The following COL23A1 variants were observed in gnomAD, a reference collection of about 807,000 sequenced individuals.
COL23A1 encodes collagen alpha-1(XXIII) chain.
In COL23A1, 97 loss-of-function variants were observed where a neutral mutation model predicts 99.3. The observed-to-expected ratio is 0.98, with a 90% CI of 0.83 to 1.16. The LOEUF (loss-of-function observed/expected upper bound fraction) is 1.16. Among genes scored for constraint, COL23A1 ranks in the 50% most tolerant of loss-of-function variants. The pLI, the probability that COL23A1 is intolerant of heterozygous loss-of-function variation, is 0.00. For synonymous variants in COL23A1, 320 were observed against 308.2 expected, an observed-to-expected ratio of 1.04 and a Z score of -0.40; for missense variants, 762 against 757.4, an observed-to-expected ratio of 1.01 and a Z score of -0.07.
intron 5 of COL23A1, among the ~76,000 whole-genome samples, chr5:178,272,209 A>G (rs1182724645): frequency 6.6e-6 from 1 of 152,146 alleles, no homozygotes; most frequent in Non-Finnish European, 1.5e-5. Context: ...TGCTCTGGGA[A>G]GACTTTCCTG....
intron 28 of COL23A1, 86 bp from the exon 29 acceptor site, chr5:178,238,786 C>T (rs1764241063): frequency 6.4e-7 from 1 of 1,562,720 alleles, no homozygotes; most frequent in Non-Finnish European, 8.8e-7. Context: ...CCTCCCCGGT[C>T]CTGCCCATTT....
chr5:178,341,747 T>A (rs1760676868), intron 2 of COL23A1, among the ~76,000 whole-genome samples: 1 of 151,726 alleles, frequency 6.6e-6, no homozygotes, highest in Admixed American at 6.6e-5. Flanking sequence ...CTCTCCCTCA[T>A]CCCCGTTTCA....
chr5:178,549,409 T>C (rs1318675756), intron 2 of COL23A1, among the ~76,000 whole-genome samples: 3 of 151,868 alleles, frequency 2.0e-5, no homozygotes, highest in Non-Finnish European at 4.4e-5. Context: ...TTTAATAAAA[T>C]ATAATATACA....
At chr5:178,440,630 T>TC (rs1766814830) in intron 2 of COL23A1, among the ~76,000 whole-genome samples, 1 of 151,884 alleles carries the variant, frequency 6.6e-6, no homozygotes, top group Non-Finnish European at 1.5e-5. Flanking sequence ...TTTTTTTTTT[T>TC]CTGAGATGGA....
rs913010110 is a variant in COL23A1, at chr5:178,583,317, C to T, written c.294+6587G>A. Among the ~76,000 whole-genome samples, 4 of 152,210 alleles carry T rather than the reference C, an allele frequency of 2.6e-5. No individual in the cohort carries two copies. The East Asian group carries it at 5.8e-4, about 22-fold the overall frequency. On this transcript the variant is annotated intron_variant, in intron 1 of 28. Transcript: ENST00000390654. ...GGTGGAATTTCTCTAGAACACAGCT[C>T]CAGCTTAGAGCCCAAGCTTCTCACC...
chr5:178,288,188 C>G, intron 5 of COL23A1, 136 bp downstream of exon 5: 1 of 849,550 alleles, frequency 1.2e-6, no homozygotes, highest in South Asian at 1.3e-5. Flanking sequence ...TCACGCTAAT[C>G]GCCTCCACAG....
rs936797024 is a variant in COL23A1, at chr5:178,434,858, C to T, written c.361+125824G>A. ...CAGGGCTGGTTTCAAAGCCTCTGCC[C>T]GCTGCAGGAAGGCAGGCATCCACTT... is the stretch of plus-strand genomic sequence containing the variant. On this transcript the variant is annotated intron_variant, in intron 2 of 28. Coordinates refer to ENST00000390654, the MANE Select transcript of COL23A1 (RefSeq NM_173465.4). The surrounding 1 kb of genome is among the most constrained non-coding windows in gnomAD (Gnocchi z 4.3). Among the ~76,000 whole-genome samples, 1 of 152,194 alleles carries T rather than the reference C, an allele frequency of 6.6e-6. No individual in the cohort carries two copies. The highest frequency in any genetic ancestry group is 2.4e-5 in the African/African-American group (1 of 41,448).
chr5:178,330,697 T>C (rs1020809452), intron 2 of COL23A1, among the ~76,000 whole-genome samples: 1 of 151,466 alleles, frequency 6.6e-6, no homozygotes, highest in African/African-American at 2.4e-5. Context: ...CCTTGGCCTG[T>C]GTGGCCCTGT....
chr5:178,485,779 CAAAAAA>C (rs528117830), intron 2 of COL23A1, among the ~76,000 whole-genome samples: 1 of 99,372 alleles, frequency 1.0e-5, no homozygotes, highest in Admixed American at 1.1e-4. Context: ...GACTCCATCT[CAAAAAA>C]AAAAAAAAAA....
chr5:178,407,394 C>T (rs1764822936), intron 2 of COL23A1, among the ~76,000 whole-genome samples: 2 of 152,226 alleles, frequency 1.3e-5, no homozygotes, highest in Non-Finnish European at 2.9e-5. Flanking sequence ...AATCCAGAGT[C>T]TCATAGCACA....
intron 1 of COL23A1, among the ~76,000 whole-genome samples, chr5:178,583,386 C>A (rs960498418): frequency 2.0e-5 from 3 of 152,192 alleles, no homozygotes; most frequent in African/African-American, 7.2e-5. Context: ...GGCCTCATGT[C>A]CTCTCCCTTT....
At position 178,255,114 on chromosome 5, in the gene COL23A1, G is replaced by A. The variant is rs1051995644; in HGVS notation, c.883-88C>T. 1.8e-6 allele frequency: 2 copies of A among 1,136,922 alleles called. No homozygotes were observed. Among genetic ancestry groups the A allele is most frequent in the African/African-American group, 1.5e-5 (1 of 65,660 alleles). 70.4% of individuals were successfully genotyped at this position (1,136,922 alleles called of 1,614,324 possible). A position where few individuals can be genotyped will look rare whatever the true frequency, so the allele number is the denominator to read the frequency against. ...CAGCTGTCCCTGCATCACATCCAGA[G>A]AGAAAGCAATGGAAGAGCCTCGTCA... On this transcript the variant is annotated intron_variant, in intron 15 of 28. Coordinates refer to ENST00000390654, the MANE Select transcript of COL23A1 (RefSeq NM_173465.4). The surrounding 1 kb of genome is among the most constrained non-coding windows in gnomAD (Gnocchi z 4.2).
At chr5:178,512,112 T>C (rs1378688353) in intron 2 of COL23A1, among the ~76,000 whole-genome samples, 1 of 152,242 alleles carries the variant, frequency 6.6e-6, no homozygotes, top group Non-Finnish European at 1.5e-5. Flanking sequence ...TGTATGAACA[T>C]GGCTCTTCAC....
At chr5:178,370,571 A>G (rs975177166) in intron 2 of COL23A1, among the ~76,000 whole-genome samples, 4 of 152,328 alleles carry the variant, frequency 2.6e-5, no homozygotes, top group African/African-American at 9.6e-5. Context: ...GAAATTCAAG[A>G]GAGCTACTGT....
intron 2 of COL23A1, among the ~76,000 whole-genome samples, chr5:178,369,684 G>A (rs2127719644): frequency 6.6e-6 from 1 of 152,206 alleles, no homozygotes; most frequent in South Asian, 2.1e-4. Context: ...CTCTCTCTTT[G>A]CTTGCTGCCA....
At chr5:178,249,283 T>C (rs1011532814) in intron 18 of COL23A1, 77 bp from the exon 19 acceptor site, 1 of 1,400,230 alleles carries the variant, frequency 7.1e-7, no homozygotes, top group Non-Finnish European at 1.0e-6. Context: ...TCCCCAGAGC[T>C]TAGTTCATGC....
At chr5:178,476,068 T>C (rs1448094596) in intron 2 of COL23A1, among the ~76,000 whole-genome samples, 1 of 152,258 alleles carries the variant, frequency 6.6e-6, no homozygotes, top group Non-Finnish European at 1.5e-5. Flanking sequence ...TGACTCCATC[T>C]TGGACGCTAA....
chr5:178,296,447 T>C (rs1757745639), intron 3 of COL23A1, among the ~76,000 whole-genome samples: 1 of 152,184 alleles, frequency 6.6e-6, no homozygotes, highest in Non-Finnish European at 1.5e-5. Context: ...TCTTCTGACC[T>C]GGGGCAGAGA....
At chr5:178,576,010 T>C (rs1186385090) in intron 1 of COL23A1, among the ~76,000 whole-genome samples, 1 of 152,170 alleles carries the variant, frequency 6.6e-6, no homozygotes, top group Non-Finnish European at 1.5e-5. Flanking sequence ...GCCTGGACAG[T>C]GATGTCGAGA....
Sources: gnomAD v4.1 joint callset for allele counts (sites outside exome capture counted in the v4.1 genomes callset) on GRCh38, gnomAD v4.1.1 for gene constraint, Gnocchi (gnomAD v3.1) non-coding constraint, MANE v1.5 for transcripts, NCBI Gene and HGNC (gene_info 2026-07-23, HGNC 2026-07-21) for gene names.